Variants in SETD4 observed in about 807,000 individuals in gnomAD.
The protein encoded by SETD4 is SET domain-containing protein 4.
Under a neutral mutation model 58.3 loss-of-function variants are expected in SETD4, and 46 were observed. The observed-to-expected ratio is 0.79, with a 90% CI of 0.62 to 1.01. SETD4 has a LOEUF of 1.01. Among genes scored for constraint, SETD4 ranks in the 50% least tolerant of loss-of-function variants. The pLI, the probability that SETD4 is intolerant of heterozygous loss-of-function variation, is 0.00. For missense variants in SETD4, 490 were observed against 523.3 expected, an observed-to-expected ratio of 0.94 and a Z score of 0.62; for synonymous variants, 190 against 202.6, an observed-to-expected ratio of 0.94 and a Z score of 0.53.
At chr21:36,055,177 G>A (rs930234980) in intron 3 of SETD4, among the ~76,000 whole-genome samples, 1 of 152,156 alleles carries the variant, frequency 6.6e-6, no homozygotes, top group Non-Finnish European at 1.5e-5. Flanking sequence ...AAAAACTTAC[G>A]TGCTAATCTA....
At chr21:36,051,086 T>G in intron 4 of SETD4, 1 of 1,427,254 alleles carries the variant, frequency 7.0e-7, no homozygotes, top group Admixed American at 1.7e-5. Flanking sequence ...TTCATAAGGC[T>G]TGTAATCTAG....
chr21:36,041,938 A>C (rs2064084251), intron 7 of SETD4, 50 bp from the exon 8 acceptor site: 1 of 998,062 alleles, frequency 1.0e-6, no homozygotes, highest in Non-Finnish European at 1.5e-6. Flanking sequence ...TTTGGACAAA[A>C]GTATGTCTCC....
In SETD4 at chr21:36,034,709, G is replaced by A. The variant is rs911620194; in HGVS notation, c.*1284C>T. 6.6e-6 allele frequency: 1 copy of A among 152,120 alleles called. No individual in the cohort carries two copies. Among genetic ancestry groups the A allele is most frequent in the Non-Finnish European group, 1.5e-5 (1 of 68,020 alleles). 9.4% of individuals were successfully genotyped at this position (152,120 alleles called of 1,614,324 possible). ...TGTCGTTGTCAGTAGTTTCCCTGGA[G>A]CCCAGCCATGCAAATGGTTGACATG... On this transcript the variant is annotated 3_prime_UTR_variant, in exon 12 of 12. Coordinates refer to ENST00000332131, the MANE Select transcript of SETD4 (RefSeq NM_017438.5).
At chr21:36,048,874 T>C (rs1344847899) in intron 4 of SETD4, among the ~76,000 whole-genome samples, 3 of 152,082 alleles carry the variant, frequency 2.0e-5, no homozygotes, top group Non-Finnish European at 2.9e-5. Context: ...CCCATCACCA[T>C]GATGGTGCCT....
In SETD4 at chr21:36,045,628, G is replaced by A. The variant is rs2064283663; in HGVS notation, c.680C>T (p.Ala227Val). 1 of 1,614,154 alleles carries A rather than the reference G, an allele frequency of 6.2e-7. No homozygotes were observed. Among genetic ancestry groups the A allele is most frequent in the Middle Eastern group, 1.6e-4 (1 of 6,062 alleles). The change falls in exon 6 of 12, where the codon GCA (alanine) becomes GTA (valine). Residue 227 changes from alanine to valine, a missense_variant. Transcript: ENST00000332131. ...ECLSAEPDTCALAPYLDLLNH... is the reference protein window; with the variant it reads ...ECLSAEPDTCVLAPYLDLLNH... Reference sequence around the variant, plus strand: ...CAGCAGGTCCAGGTACGGAGCGAGTGCACAGGTGTCCGGCTCTGCAGAAAG... The same window carrying A: ...CAGCAGGTCCAGGTACGGAGCGAGTACACAGGTGTCCGGCTCTGCAGAAAG...
intron 4 of SETD4, chr21:36,050,459 T>A: frequency 6.2e-7 from 1 of 1,614,128 alleles, no homozygotes. Flanking sequence ...TACCAACCCC[T>A]TGGGTGCAAA....
At chr21:36,041,485 C>A (rs2064058216) in intron 8 of SETD4, among the ~76,000 whole-genome samples, 1 of 152,214 alleles carries the variant, frequency 6.6e-6, no homozygotes, top group African/African-American at 2.4e-5. Context: ...TGAGGCCCAG[C>A]CTGGCCTTTC....
chr21:36,048,102 AGGAAGGC>A, intron 5 of SETD4, among the ~76,000 whole-genome samples, 199 bp downstream of exon 5: 3 of 142,910 alleles, frequency 2.1e-5, no homozygotes, highest in African/African-American at 5.4e-5. Flanking sequence ...GGAGGGAGGG[AGGAAGGC>A]AGGCAGGCAG....
At position 36,051,072 on chromosome 21, in the gene SETD4, G is replaced by A. The variant is rs61732923; in HGVS notation, c.207+2511C>T. ...GGCCAATGCAAATGTAGGTTTCATC[G>A]TCTTTCATAAGGCTTGTAATCTAGA... is the stretch of plus-strand genomic sequence containing the variant. On this transcript the variant is annotated intron_variant, in intron 4 of 11. Coordinates refer to ENST00000332131, the MANE Select transcript of SETD4 (RefSeq NM_017438.5). 2,013 of 1,438,446 alleles carry A rather than the reference G, an allele frequency of 1.4e-3. 22 individuals are homozygous for A. The African/African-American group carries it at 0.023, about 17-fold the overall frequency. The allele number at this position is 1,438,446 out of a possible 1,614,324, so 89.1% of individuals were successfully genotyped here.
chr21:36,050,078 A>G (rs750860234), intron 4 of SETD4: 5 of 601,604 alleles, frequency 8.3e-6, no homozygotes, highest in Non-Finnish European at 1.5e-5. Flanking sequence ...AGGGTGGTGC[A>G]CTCTAACTCG....
rs1252210359 is a variant in SETD4 at position 36,040,649 on chromosome 21, C to A, written c.990G>T (p.Leu330Phe). ...ILKDHGYIEN[L>F]TFGWDGPSWR... ...AAGATGGTCCATCCCATCCAAATGT[C>A]AAATTTCTGAAGTAGAAAAACAAAT... The change falls in exon 9 of 12, where the codon TTG becomes TTT. Residue 330 changes from leucine to phenylalanine, a missense_variant. Transcript: ENST00000332131. 1.2e-6 allele frequency: 2 copies of A among 1,613,264 alleles called. No homozygotes were observed. The highest frequency in any genetic ancestry group is 1.1e-5 in the South Asian group (1 of 91,006).
At chr21:36,052,643 G>T (rs1027046422) in intron 4 of SETD4, among the ~76,000 whole-genome samples, 1 of 151,012 alleles carries the variant, frequency 6.6e-6, no homozygotes. Context: ...ACATCTGAGT[G>T]CAAGTTTTAA....
intron 6 of SETD4, among the ~76,000 whole-genome samples, chr21:36,044,529 T>G (rs1180804894): frequency 6.6e-6 from 1 of 152,222 alleles, no homozygotes; most frequent in Admixed American, 6.5e-5. Context: ...GGAGTCCCCA[T>G]GTCTAGCATC....
In SETD4 at chr21:36,041,806, C is replaced by A; in HGVS notation, c.983+1G>T. 6.8e-7 allele frequency: 1 copy of A among 1,473,408 alleles called. No homozygotes were observed. The highest frequency in any genetic ancestry group is 2.4e-5 in the East Asian group (1 of 41,934). 91.3% of individuals were successfully genotyped at this position (1,473,408 alleles called of 1,614,324 possible). Reference sequence around the variant, plus strand: ...TTTAAGAGGGAAAGAGAAACACTTACTCTATATAGCCATGATCCTTTAAAA... The same window carrying A: ...TTTAAGAGGGAAAGAGAAACACTTAATCTATATAGCCATGATCCTTTAAAA... On this transcript the variant is annotated splice_donor_variant, in intron 8 of 11. Coordinates refer to ENST00000332131, the MANE Select transcript of SETD4 (RefSeq NM_017438.5). LOFTEE classifies it high-confidence loss of function.
chr21:36,045,746 C>T lies in SETD4; in HGVS notation c.562G>A (p.Val188Ile), dbSNP rs556542067. 5 of 1,614,206 alleles carry T rather than the reference C, an allele frequency of 3.1e-6. No individual in the cohort carries two copies. In the South Asian group the frequency reaches 4.4e-5, roughly 14 times the overall value. ...GCACTGTAGCTGAAGATGCTGTCAA[C>T]AGCCTCCGCAAACAGAGGCTGCAGA... ...SSLQPLFAEA[V>I]DSIFSYSALL... Residue 188 changes from valine (V) to isoleucine (I), a missense_variant, in exon 6 of 12, where the codon GTT (valine) becomes ATT (isoleucine). By Grantham distance (29) the Val-to-Ile change is conservative. Coordinates refer to ENST00000332131, the MANE Select transcript of SETD4 (RefSeq NM_017438.5).
At chr21:36,058,482 G>C (rs1351012070) in intron 2 of SETD4, among the ~76,000 whole-genome samples, 1 of 148,866 alleles carries the variant, frequency 6.7e-6, no homozygotes, top group African/African-American at 2.5e-5. Flanking sequence ...TTCCAATCTG[G>C]GTAACAGAAT....
At chr21:36,038,681 C>T (rs1469067753) in intron 9 of SETD4, among the ~76,000 whole-genome samples, 1 of 152,118 alleles carries the variant, frequency 6.6e-6, no homozygotes, top group African/African-American at 2.4e-5. Flanking sequence ...TTCAAGTGAC[C>T]GTCTGTCCAA....
intron 9 of SETD4, among the ~76,000 whole-genome samples, chr21:36,039,082 T>A (rs2835241): frequency 1.3e-5 from 2 of 151,862 alleles, no homozygotes; most frequent in Admixed American, 1.3e-4. Flanking sequence ...CAGCCCGGAA[T>A]AGTCTCAGAA....
At chr21:36,045,476 G>T in intron 6 of SETD4, 106 bp downstream of exon 6, 2 of 1,420,126 alleles carry the variant, frequency 1.4e-6, no homozygotes, top group Non-Finnish European at 9.6e-7. Flanking sequence ...ACCTGAAGCC[G>T]CCGACACCTC....
Sources: allele counts gnomAD v4.1 joint callset (sites outside exome capture counted in the v4.1 genomes callset), GRCh38; gene constraint gnomAD v4.1.1; transcripts MANE v1.5; gene names NCBI Gene and HGNC (gene_info 2026-07-23, HGNC 2026-07-21).